The following CDCA8 variants were observed in gnomAD, a reference collection of about 807,000 sequenced individuals.
CDCA8 encodes borealin.
Under a neutral mutation model 40.0 loss-of-function variants are expected in CDCA8, and 25 were observed. That is an observed-to-expected ratio of 0.63 (90% confidence interval 0.46 to 0.87). The LOEUF is 0.87. Ranked by LOEUF, CDCA8 falls within the 40% of genes least tolerant of loss-of-function variation. The pLI is 0.00. For synonymous variants in CDCA8, 111 were observed against 126.5 expected, an observed-to-expected ratio of 0.88 and a Z score of 0.82; for missense variants, 280 against 348.4, an observed-to-expected ratio of 0.80 and a Z score of 1.56.
At chr1:37,693,166 C>A in intron 2 of CDCA8, 133 bp downstream of exon 2, 1 of 471,306 alleles carries the variant, frequency 2.1e-6, no homozygotes, top group African/African-American at 2.1e-5. Flanking sequence ...AATTGCAGAC[C>A]CTTTCACTCT....
rs1312441009 is a variant in CDCA8, at chr1:37,708,401, C to T, written c.*35C>T. 1.9e-6 allele frequency: 3 copies of T among 1,593,564 alleles called. No homozygotes were observed. The highest frequency in any genetic ancestry group is 2.6e-6 in the Non-Finnish European group (3 of 1,161,432). On this transcript the variant is annotated 3_prime_UTR_variant, in exon 10 of 10. Coordinates refer to ENST00000373055, the MANE Select transcript of CDCA8 (RefSeq NM_001256875.2). The stretch of plus-strand genomic sequence containing the variant: ...GTTGACAGGATGGACTTTTAATGGG[C>T]ACTTCTGGGACCCTGAAGAGACTTC...
At chr1:37,699,053 G>A (rs1428582204) in intron 4 of CDCA8, 76 bp downstream of exon 4, 7 of 923,430 alleles carry the variant, frequency 7.6e-6, no homozygotes, top group East Asian at 4.9e-5. Flanking sequence ...CTCAGGCAGC[G>A]CCTTGTTGGT....
intron 3 of CDCA8, among the ~76,000 whole-genome samples, chr1:37,698,431 A>G (rs1645541466): frequency 6.6e-6 from 1 of 152,258 alleles, no homozygotes; most frequent in African/African-American, 2.4e-5. Flanking sequence ...ACAGTGGGAT[A>G]TGATATAGCA....
chr1:37,706,909 A>C lies in CDCA8; in HGVS notation c.712-69A>C, dbSNP rs547321962. The C allele has an allele frequency of 6.7e-6, 8 of 1,200,418 alleles. No individual in the cohort carries two copies. In the East Asian group the frequency reaches 1.9e-4, roughly 28 times the overall value. 74.4% of individuals were successfully genotyped at this position (1,200,418 alleles called of 1,614,324 possible). A position where few individuals can be genotyped will look rare whatever the true frequency, so the allele number is the denominator to read the frequency against. Reference sequence around the variant, plus strand: ...CATTCCCCACCACTAAGTGCAGGATATCAGGGGAACCTAGGGGTTCCGGCC... The same window carrying C: ...CATTCCCCACCACTAAGTGCAGGATCTCAGGGGAACCTAGGGGTTCCGGCC... On this transcript the variant is annotated intron_variant, in intron 8 of 9. Coordinates refer to ENST00000373055, the MANE Select transcript of CDCA8 (RefSeq NM_001256875.2).
chr1:37,692,649 C>A lies in CDCA8; in HGVS notation c.-42C>A, dbSNP rs1432407679. On this transcript the variant is annotated 5_prime_UTR_variant, in exon 1 of 10. The change creates a new upstream start codon in the 5' untranslated region. Transcript: ENST00000373055. Reference sequence around the variant, plus strand: ...CGTCCCTACCCAGTTTCTTGCTTCCCTGCCCCATCTCCGCCGCTCCCCGCA... The same window carrying A: ...CGTCCCTACCCAGTTTCTTGCTTCCATGCCCCATCTCCGCCGCTCCCCGCA... 2 of 1,528,662 alleles carry A rather than the reference C, an allele frequency of 1.3e-6. No homozygotes were observed. The highest frequency in any genetic ancestry group is 1.8e-6 in the Non-Finnish European group (2 of 1,109,522). The allele number at this position is 1,528,662 out of a possible 1,614,324, so 94.7% of individuals were successfully genotyped here. A position where few individuals can be genotyped will look rare whatever the true frequency, so the allele number is the denominator to read the frequency against.
At chr1:37,694,006 G>A (rs1237283722) in intron 2 of CDCA8, among the ~76,000 whole-genome samples, 1 of 152,162 alleles carries the variant, frequency 6.6e-6, no homozygotes, top group Non-Finnish European at 1.5e-5. Flanking sequence ...CGGGCGTGGT[G>A]GCGCATACCT....
rs557897 is a variant in CDCA8 at position 37,708,513 on chromosome 1, G to T, written c.*147G>T. ...GGAATTCAGGAATTCAGACGTGCTA[G>T]TCCCACACCAGTTAGGTAGAGCTGT... is the stretch of plus-strand genomic sequence containing the variant. On this transcript the variant is annotated 3_prime_UTR_variant, in exon 10 of 10. Coordinates refer to ENST00000373055, the MANE Select transcript of CDCA8 (RefSeq NM_001256875.2). 0.49 allele frequency: 355,429 copies of T among 729,116 alleles called. 89,407 individuals carry two copies. The highest frequency in any genetic ancestry group is 0.69 in the East Asian group (25,701 of 37,178). 45.2% of individuals were successfully genotyped at this position (729,116 alleles called of 1,614,324 possible).
At position 37,708,542 on chromosome 1, in the gene CDCA8, T is replaced by G; in HGVS notation, c.*176T>G. On this transcript the variant is annotated 3_prime_UTR_variant, in exon 10 of 10. Transcript: ENST00000373055. ...CACACCAGTTAGGTAGAGCTGTCTG[T>G]TCACCCTCCCATCCCAGCTGATCCC... The G allele has an allele frequency of 1.6e-6, 1 of 630,928 alleles. No homozygotes were observed. The highest frequency in any genetic ancestry group is 2.5e-5 in the Admixed American group (1 of 40,068). 39.1% of individuals were successfully genotyped at this position (630,928 alleles called of 1,614,324 possible).
chr1:37,704,984 GAATATGTAACAA>G (rs1406412919), intron 7 of CDCA8, among the ~76,000 whole-genome samples: 1 of 152,136 alleles, frequency 6.6e-6, no homozygotes, highest in African/African-American at 2.4e-5. Flanking sequence ...TTTCTCACAT[GAATATGTAACAA>G]AAGGCATTTA....
intron 4 of CDCA8, among the ~76,000 whole-genome samples, chr1:37,700,191 A>G (rs1259898364): frequency 6.6e-6 from 1 of 152,222 alleles, no homozygotes; most frequent in Admixed American, 6.5e-5. Flanking sequence ...CACGCTCTAC[A>G]GTAGGCAGGG....
chr1:37,698,726 G>A (rs1645543020), intron 3 of CDCA8, among the ~76,000 whole-genome samples, 179 bp from the exon 4 acceptor site: 1 of 151,716 alleles, frequency 6.6e-6, no homozygotes, highest in Non-Finnish European at 1.5e-5. Flanking sequence ...TATTGGCAAT[G>A]TTTTAGGTCT....
At chr1:37,694,216 G>A (rs1016630346) in intron 2 of CDCA8, among the ~76,000 whole-genome samples, 11 of 152,128 alleles carry the variant, frequency 7.2e-5, no homozygotes, top group African/African-American at 1.2e-4. Context: ...TTAAATGTCC[G>A]GAGAAATGCA....
At chr1:37,692,859 T>C (rs779197552) in intron 1 of CDCA8, 46 bp from the exon 2 acceptor site, 2 of 1,612,594 alleles carry the variant, frequency 1.2e-6, no homozygotes, top group Non-Finnish European at 8.5e-7. Context: ...GCTGCACAGA[T>C]TCGCCCGCCC....
chr1:37,699,639 G>A (rs929363855), intron 4 of CDCA8, among the ~76,000 whole-genome samples: 4 of 152,056 alleles, frequency 2.6e-5, no homozygotes, highest in Non-Finnish European at 4.4e-5. Flanking sequence ...AAGTTACTCA[G>A]CTAGGCGTGG....
intron 3 of CDCA8, among the ~76,000 whole-genome samples, chr1:37,698,442 A>T (rs1429526845): frequency 6.6e-6 from 1 of 152,256 alleles, no homozygotes; most frequent in Non-Finnish European, 1.5e-5. Flanking sequence ...TGATATAGCA[A>T]TGAAAACAAA....
rs1645618189 is a variant in CDCA8 at position 37,708,489 on chromosome 1, G to A, written c.*123G>A. 2.3e-6 allele frequency: 2 copies of A among 888,090 alleles called. No individual in the cohort carries two copies. The highest frequency in any genetic ancestry group is 3.3e-5 in the African/African-American group (2 of 60,502). The allele number at this position is 888,090 out of a possible 1,614,324, so 55.0% of individuals were successfully genotyped here. A position where few individuals can be genotyped will look rare whatever the true frequency, so the allele number is the denominator to read the frequency against. ...AGCAAGGAGCCATGTTCCTCTAAGG[G>A]AATTCAGGAATTCAGACGTGCTAGT... On this transcript the variant is annotated 3_prime_UTR_variant, in exon 10 of 10. Transcript: ENST00000373055.
intron 7 of CDCA8, 88 bp from the exon 8 acceptor site, chr1:37,705,353 C>A: frequency 2.3e-6 from 3 of 1,280,212 alleles, no homozygotes; most frequent in South Asian, 1.4e-5. Context: ...AAAACTGCAA[C>A]TTGAGGCCAG....
At chr1:37,697,634 A>G (rs928038097) in intron 3 of CDCA8, among the ~76,000 whole-genome samples, 1 of 152,262 alleles carries the variant, frequency 6.6e-6, no homozygotes, top group Non-Finnish European at 1.5e-5. Flanking sequence ...CCAGATGCCA[A>G]CCGAGGCCAG....
At chr1:37,703,370 G>A in intron 7 of CDCA8, 23 bp downstream of exon 7, 1 of 1,498,780 alleles carries the variant, frequency 6.7e-7, no homozygotes, top group Non-Finnish European at 9.3e-7. Context: ...GGAAACACTT[G>A]GATTTGATGG....
Sources: gnomAD v4.1 joint callset for allele counts (sites outside exome capture counted in the v4.1 genomes callset) on GRCh38, gnomAD v4.1.1 for gene constraint, MANE v1.5 for transcripts, NCBI Gene and HGNC (gene_info 2026-07-23, HGNC 2026-07-21) for gene names.